NOSTRIN: variants seen among roughly 807,000 people sequenced by gnomAD.
NOSTRIN encodes the protein BM247 homolog.
Under a neutral mutation model 59.0 loss-of-function variants are expected in NOSTRIN, and 63 were observed. The ratio of observed to expected loss-of-function variants is 1.07; its 90% CI spans 0.87 to 1.32. NOSTRIN has a LOEUF of 1.32. Among genes scored for constraint, NOSTRIN ranks in the 40% most tolerant of loss-of-function variants. The probability of loss-of-function intolerance (pLI) is 0.00; values close to 1 mark genes in which losing one functional copy is unlikely to be tolerated. For missense variants in NOSTRIN, 512 were observed against 473.1 expected (o/e 1.08, Z -0.76); for synonymous variants, 200 against 165.4 (o/e 1.21, Z -1.61).
intron 7 of NOSTRIN, among the ~76,000 whole-genome samples, chr2:168,840,167 C>T (rs1171967576): frequency 6.6e-6 from 1 of 152,012 alleles, no homozygotes; most frequent in Non-Finnish European, 1.5e-5. Flanking sequence ...TTGCATTGAA[C>T]TGTTGCCAGG....
chr2:168,787,713 G>C (rs1041580595), intron 1 of NOSTRIN: 1 of 152,164 alleles, frequency 6.6e-6, no homozygotes, highest in African/African-American at 2.4e-5. Flanking sequence ...AGATGCCTCA[G>C]TTTTTGGAAA....
At chr2:168,794,415 G>A (rs931842829), upstream of NOSTRIN, among the ~76,000 whole-genome samples, 6 of 149,734 alleles carry the variant, frequency 4.0e-5, no homozygotes, top group Non-Finnish European at 7.4e-5. Flanking sequence ...GCAGTGGCAC[G>A]ATCTCAGCTC....
chr2:168,843,588 A>T (rs2105721324), intron 8 of NOSTRIN, among the ~76,000 whole-genome samples: 1 of 152,320 alleles, frequency 6.6e-6, no homozygotes, highest in South Asian at 2.1e-4. Context: ...ATAAAGAAGG[A>T]ATTGTGGCAA....
chr2:168,855,320 C>A, intron 10 of NOSTRIN, 32 bp from the exon 11 acceptor site: 2 of 1,163,196 alleles, frequency 1.7e-6, no homozygotes, highest in Admixed American at 1.9e-5. Flanking sequence ...TACTTCTTCC[C>A]CCTTGTTAGA....
At chr2:168,788,892 AAGATAGATAGATAGAT>A (rs4000833) in intron 2 of NOSTRIN, among the ~76,000 whole-genome samples, 97 of 148,394 alleles carry the variant, frequency 6.5e-4, no homozygotes, top group East Asian at 1.8e-3. Context: ...CACAGATAAA[AAGATAGATAGATAGAT>A]AGATAGATAG....
chr2:168,807,794 T>C (rs567184122), intron 1 of NOSTRIN, among the ~76,000 whole-genome samples: 2 of 152,210 alleles, frequency 1.3e-5, no homozygotes, highest in Non-Finnish European at 2.9e-5. Flanking sequence ...TACCACACTC[T>C]ACCAGTACAA....
chr2:168,865,022 T>C lies in NOSTRIN; in HGVS notation c.*52T>C. 1.3e-6 allele frequency: 2 copies of C among 1,589,760 alleles called. No homozygotes were observed. The highest frequency in any genetic ancestry group is 1.7e-6 in the Non-Finnish European group (2 of 1,166,612). On this transcript the variant is annotated 3_prime_UTR_variant, in exon 16 of 16. Coordinates refer to ENST00000317647, the MANE Select transcript of NOSTRIN (RefSeq NM_001039724.4). ...ACACTCGGTAATCAACAATACAGTG[T>C]GGTTCAAATAAGAATAAAGTGCTCT...
At chr2:168,861,889 A>G in intron 14 of NOSTRIN, 71 bp from the exon 15 acceptor site, 1 of 1,394,356 alleles carries the variant, frequency 7.2e-7, no homozygotes, top group Admixed American at 1.9e-5. Flanking sequence ...CTGTTAAATA[A>G]CCAAAGAGCT....
chr2:168,850,799 CCTTTTCTT>C (rs1173002219), intron 8 of NOSTRIN: 3 of 764,142 alleles, frequency 3.9e-6, no homozygotes, highest in African/African-American at 3.4e-5. Context: ...TCAAATGCTT[CCTTTTCTT>C]CTTTTCTCCC....
chr2:168,806,134 ACC>A, intron 1 of NOSTRIN, among the ~76,000 whole-genome samples: 1 of 151,836 alleles, frequency 6.6e-6, no homozygotes, highest in South Asian at 2.1e-4. Flanking sequence ...TTGAAACATC[ACC>A]CCCAGTGAAT....
At chr2:168,863,324 CTAAGAAAAT>C (rs1689597159) in intron 15 of NOSTRIN, 7 of 832,800 alleles carry the variant, frequency 8.4e-6, no homozygotes, top group Non-Finnish European at 1.0e-5. Flanking sequence ...TGATTTATGA[CTAAGAAAAT>C]GTAGAAAAGA....
chr2:168,862,697 G>A (rs1026769123), intron 15 of NOSTRIN, among the ~76,000 whole-genome samples: 13 of 152,144 alleles, frequency 8.5e-5, no homozygotes, highest in African/African-American at 2.4e-4. Flanking sequence ...AAGGTATTAC[G>A]TAGTGGCTTT....
intron 1 of NOSTRIN, among the ~76,000 whole-genome samples, chr2:168,808,882 G>C (rs1686000484): frequency 6.6e-6 from 1 of 152,052 alleles, no homozygotes; most frequent in Non-Finnish European, 1.5e-5. Flanking sequence ...AAATGCCTCA[G>C]AATAGCCAAA....
At chr2:168,831,607 G>A (rs977507310) in intron 6 of NOSTRIN, 73 bp downstream of exon 6, 10 of 785,588 alleles carry the variant, frequency 1.3e-5, no homozygotes, top group Admixed American at 6.9e-5. Flanking sequence ...ATACAAATGC[G>A]ATGACATGTT....
upstream of NOSTRIN, among the ~76,000 whole-genome samples, chr2:168,796,330 A>G (rs1482800735): frequency 6.6e-6 from 1 of 152,222 alleles, no homozygotes. Flanking sequence ...CTAGGAAGAA[A>G]GTGCTCTTGA....
At chr2:168,855,605 CAA>C (rs58938408) in intron 11 of NOSTRIN, 145 bp downstream of exon 11, 134 of 153,088 alleles carry the variant, frequency 8.8e-4, no homozygotes, top group East Asian at 1.6e-3. Context: ...GTTGTGTGAA[CAA>C]AAAAAAAAAA....
At chr2:168,816,123 A>G (rs696805) in intron 2 of NOSTRIN, among the ~76,000 whole-genome samples, 152,205 of 152,312 alleles carry the variant, frequency 1, 76,049 homozygotes, top group Non-Finnish European at 1. Flanking sequence ...TGGCTGAGTG[A>G]GATGAATGGA....
At chr2:168,788,099 G>T (rs1685252717) in intron 2 of NOSTRIN, 1 of 152,012 alleles carries the variant, frequency 6.6e-6, no homozygotes, top group Admixed American at 6.6e-5. Context: ...TGACAGCCAG[G>T]CTTGGTGGTT....
intron 3 of NOSTRIN, 51 bp downstream of exon 3, chr2:168,824,768 T>TTTTTTTTGTTTG (rs1553523541): frequency 9.5e-6 from 7 of 736,690 alleles, no homozygotes; most frequent in South Asian, 3.0e-5. Flanking sequence ...TTTATTTGTT[T>TTTTTTTTGTTTG]TTTGTTTGTT....
Sources: gnomAD v4.1 joint callset for allele counts (sites outside exome capture counted in the v4.1 genomes callset) on GRCh38, gnomAD v4.1.1 for gene constraint, MANE v1.5 for transcripts, NCBI Gene and HGNC (gene_info 2026-07-23, HGNC 2026-07-21) for gene names.